Variants in NPHS1 observed in about 807,000 individuals in gnomAD.
NPHS1 encodes the protein nephrin.
NPHS1 carries 107 observed loss-of-function variants against 139.7 expected under a neutral mutation model. The observed-to-expected ratio is 0.77, with a 90% CI of 0.66 to 0.90. The LOEUF is 0.90. Ranked by LOEUF, NPHS1 falls within the 40% of genes least tolerant of loss-of-function variation. The probability of loss-of-function intolerance (pLI) is 0.00; values close to 1 mark genes in which losing one functional copy is unlikely to be tolerated. For synonymous variants in NPHS1, 707 were observed against 706.6 expected (o/e 1.00, Z -0.01); for missense variants, 1,580 against 1,654.2 (o/e 0.96, Z 0.78).
chr19:35,847,389 T>C (rs1371622993), intron 11 of NPHS1, among the ~76,000 whole-genome samples: 1 of 112,510 alleles, frequency 8.9e-6, no homozygotes, highest in Non-Finnish European at 1.8e-5. Flanking sequence ...AGTTTCGGTC[T>C]CGTTGCCCAG....
chr19:35,838,462 A>C (rs1440281908), intron 22 of NPHS1, among the ~76,000 whole-genome samples: 1 of 152,222 alleles, frequency 6.6e-6, no homozygotes, highest in East Asian at 1.9e-4. Flanking sequence ...CTGAGGCAGG[A>C]GAATCGCTTG....
intron 23 of NPHS1, among the ~76,000 whole-genome samples, chr19:35,832,116 G>C (rs1284143981): frequency 1.3e-5 from 2 of 152,208 alleles, no homozygotes; most frequent in Non-Finnish European, 2.9e-5. Context: ...GTACTGGACT[G>C]TCCAGCCACA....
rs566429959 is a variant in NPHS1 at position 35,841,090 on chromosome 19, G to C, written c.2815+625C>G. Among the ~76,000 whole-genome samples the C allele has an allele frequency of 5.3e-5, 8 of 150,910 alleles. No homozygotes were observed. The South Asian group carries it at 1.7e-3, about 32-fold the overall frequency. On this transcript the variant is annotated intron_variant, in intron 20 of 28. Coordinates refer to ENST00000378910, the MANE Select transcript of NPHS1 (RefSeq NM_004646.4). ...AAAGCCAACACAGAGACATGCAGAC[G>C]TAAGAATGAAGAGGGCTGGTCATCA... is the stretch of plus-strand genomic sequence containing the variant.
rs1223884407 is a variant in NPHS1 at position 35,851,845 on chromosome 19, C to A, written c.-8G>T. On this transcript the variant is annotated 5_prime_UTR_variant, in exon 1 of 29. Coordinates refer to ENST00000378910, the MANE Select transcript of NPHS1 (RefSeq NM_004646.4). ...CGTCGTCCCCAGGGCCATCACAGGT[C>A]CCCCTACTGTGACCCCCACAGCGCC... 1 of 1,550,512 alleles carries A rather than the reference C, an allele frequency of 6.4e-7. No homozygotes were observed. The highest frequency in any genetic ancestry group is 8.7e-7 in the Non-Finnish European group (1 of 1,146,618).
intron 16 of NPHS1, 27 bp downstream of exon 16, chr19:35,844,076 G>T: frequency 6.2e-7 from 1 of 1,602,968 alleles, no homozygotes; most frequent in South Asian, 1.1e-5. Flanking sequence ...TTGGGTGGGT[G>T]TGGTTTCCAT....
Position 35,846,020 on chromosome 19 carries a change from G to A in NPHS1, c.1615C>T (p.Leu539=), listed in dbSNP as rs902179633. Reference sequence around the variant, plus strand: ...TGCGAGCCCTCACACTGCACCGCCAGCTGCGTGGACGCGCTGAGCTGTCCA... The same window carrying A: ...TGCGAGCCCTCACACTGCACCGCCAACTGCGTGGACGCGCTGAGCTGTCCA... ...KAGQLSASTQ[L]AVQFPPTNVT... The change falls in exon 12 of 29, where the codon CTG becomes TTG. Residue 539 remains leucine (L), a synonymous_variant. Coordinates refer to ENST00000378910, the MANE Select transcript of NPHS1 (RefSeq NM_004646.4). The A allele has an allele frequency of 6.5e-7, 1 of 1,544,724 alleles. No homozygotes were observed. The highest frequency in any genetic ancestry group is 1.8e-5 in the Admixed American group (1 of 54,090).
Position 35,849,123 on chromosome 19 carries a change from A to G in NPHS1, c.865T>C (p.Trp289Arg), listed in dbSNP as rs1482582146. 1.2e-6 allele frequency: 2 copies of G among 1,609,630 alleles called. No homozygotes were observed. Among genetic ancestry groups the G allele is most frequent in the East Asian group, 2.2e-5 (1 of 44,896 alleles). The change falls in exon 8 of 29, where the codon TGG becomes CGG. Residue 289 changes from tryptophan to arginine, a missense_variant. Trp to Arg is a moderately radical substitution (Grantham distance 101). Coordinates refer to ENST00000378910, the MANE Select transcript of NPHS1 (RefSeq NM_004646.4). Reference protein sequence around the residue: ...LKNGQPVSTAWGTEHTQAVAR... With the variant: ...LKNGQPVSTARGTEHTQAVAR... Reference sequence around the variant, plus strand: ...ACCGCCTGGGTGTGCTCTGTGCCCCACGCTGTGGACACCGGCTGGCCATTC... The same window carrying G: ...ACCGCCTGGGTGTGCTCTGTGCCCCGCGCTGTGGACACCGGCTGGCCATTC...
At chr19:35,846,868 C>A (rs953141861) in intron 11 of NPHS1, among the ~76,000 whole-genome samples, 1 of 152,078 alleles carries the variant, frequency 6.6e-6, no homozygotes, top group African/African-American at 2.4e-5. Flanking sequence ...CTAGTCTTCC[C>A]CCCAAAGTTT....
chr19:35,843,755 G>A, intron 16 of NPHS1, 162 bp from the exon 17 acceptor site: 2 of 877,896 alleles, frequency 2.3e-6, no homozygotes, highest in South Asian at 3.4e-5. Flanking sequence ...TCTCAAGGTT[G>A]GTGAGGTTGT....
At chr19:35,851,701 G>A in intron 1 of NPHS1, 29 bp from the exon 2 acceptor site, 5 of 1,596,212 alleles carry the variant, frequency 3.1e-6, no homozygotes, top group Non-Finnish European at 3.4e-6. Context: ...GCAAGGAAAG[G>A]GCAGAGGGTT....
Position 35,849,243 on chromosome 19 carries a change from C to T in NPHS1, c.833G>A (p.Trp278Ter). ...GCCCGCGTTTGCCCTCACCTTCAGC[C>T]ACTGCAGTGTGGCTAAGGGATTACC... ...RGGNPLATLQ[W>*]LKNGQPVSTA... is the part of the protein sequence containing the mutation. Residue 278 changes from tryptophan to a stop codon, truncating the protein, a stop_gained, in exon 7 of 29, where the codon TGG becomes TAG. Transcript: ENST00000378910. LOFTEE classifies it high-confidence loss of function. 1 of 1,613,920 alleles carries T rather than the reference C, an allele frequency of 6.2e-7. No individual in the cohort carries two copies. Among genetic ancestry groups the T allele is most frequent in the Admixed American group, 1.7e-5 (1 of 60,024 alleles).
At position 35,826,602 on chromosome 19, in the gene NPHS1, G is replaced by C; in HGVS notation, c.3638C>G (p.Pro1213Arg). The C allele has an allele frequency of 6.2e-7, 1 of 1,614,082 alleles. No homozygotes were observed. Residue 1213 changes from proline (P) to arginine (R), a missense_variant, in exon 29 of 29, where the codon CCA (proline) becomes CGA (arginine). By Grantham distance (103) the Pro-to-Arg change is moderately radical. Coordinates refer to ENST00000378910, the MANE Select transcript of NPHS1 (RefSeq NM_004646.4). ...LHWPEDTYQD[P>R]RGIYDQVAGD... ...GGCCACCTGGTCATAGATTCCTCTT[G>C]GATCCTGATATGTGTCTTCAGGCCA...
intron 23 of NPHS1, among the ~76,000 whole-genome samples, chr19:35,834,911 A>C (rs550264528): frequency 6.6e-6 from 1 of 151,374 alleles, no homozygotes; most frequent in Non-Finnish European, 1.5e-5. Flanking sequence ...AATAAAAAAA[A>C]AAAATGCCGA....
chr19:35,845,574 G>C lies in NPHS1; in HGVS notation c.1758-34C>G. On this transcript the variant is annotated intron_variant, in intron 13 of 28. Transcript: ENST00000378910. The surrounding 1 kb of genome is among the most constrained non-coding windows in gnomAD (Gnocchi z 5.5). ...CCGGGGTCAAGCCAGGGCTGCGAGC[G>C]GAGCCAGAGGCTGGAGAGGCACTAG... 6.2e-7 allele frequency: 1 copy of C among 1,609,116 alleles called. No individual in the cohort carries two copies. Among genetic ancestry groups the C allele is most frequent in the Non-Finnish European group, 8.5e-7 (1 of 1,177,610 alleles).
At position 35,834,706 on chromosome 19, in the gene NPHS1, G is replaced by A. The variant is rs540244126; in HGVS notation, c.3166+999C>T. 8.6e-5 allele frequency among the ~76,000 whole-genome samples: 13 copies of A among 151,624 alleles called. No homozygotes were observed. In the East Asian group the frequency reaches 1.2e-3, roughly 14 times the overall value. Reference sequence around the variant, plus strand: ...GGAGTTAAAGACCATCCTGGCTAACGCGGTGAAACCTCATCTCTACTAAAA... The same window carrying A: ...GGAGTTAAAGACCATCCTGGCTAACACGGTGAAACCTCATCTCTACTAAAA... On this transcript the variant is annotated intron_variant, in intron 23 of 28. Coordinates refer to ENST00000378910, the MANE Select transcript of NPHS1 (RefSeq NM_004646.4).
At chr19:35,850,139 C>T (rs1176504101) in intron 5 of NPHS1, among the ~76,000 whole-genome samples, 1 of 152,170 alleles carries the variant, frequency 6.6e-6, no homozygotes, top group African/African-American at 2.4e-5. Flanking sequence ...TGATCTTGAA[C>T]TCCTGACCTC....
chr19:35,841,903 C>T, intron 19 of NPHS1, 37 bp from the exon 20 acceptor site: 1 of 1,577,776 alleles, frequency 6.3e-7, no homozygotes, highest in South Asian at 1.2e-5. Context: ...CCCTTCCATT[C>T]ACCCAACCAC....
At position 35,842,136 on chromosome 19, in the gene NPHS1, A is replaced by G. The variant is rs1286375606; in HGVS notation, c.2651T>C (p.Leu884Pro). Residue 884 changes from leucine to proline, a missense_variant, in exon 19 of 29, where the codon CTC becomes CCC. Coordinates refer to ENST00000378910, the MANE Select transcript of NPHS1 (RefSeq NM_004646.4). Reference sequence around the variant, plus strand: ...GGCTTGGGCTCACCTGGGATCTTGGAGATCCAGAGGGACCCCGTTTTTTGT... The same window carrying G: ...GGCTTGGGCTCACCTGGGATCTTGGGGATCCAGAGGGACCCCGTTTTTTGT... ...TWTKNGVPLD[L>P]QDPRYTEHTY... 1 of 1,605,366 alleles carries G rather than the reference A, an allele frequency of 6.2e-7. No individual in the cohort carries two copies. The highest frequency in any genetic ancestry group is 8.5e-7 in the Non-Finnish European group (1 of 1,176,810).
At chr19:35,838,367 A>C (rs1261591594) in intron 22 of NPHS1, among the ~76,000 whole-genome samples, 1 of 152,152 alleles carries the variant, frequency 6.6e-6, no homozygotes, top group Non-Finnish European at 1.5e-5. Flanking sequence ...AGCCTGGCCA[A>C]CATGGCGAAA....
Sources: allele counts gnomAD v4.1 joint callset (sites outside exome capture counted in the v4.1 genomes callset), GRCh38; gene constraint gnomAD v4.1.1; non-coding constraint Gnocchi (gnomAD v3.1); transcripts MANE v1.5; gene names NCBI Gene and HGNC (gene_info 2026-07-23, HGNC 2026-07-21).